SNX16: variants seen among roughly 807,000 people sequenced by gnomAD.
SNX16 encodes sorting nexin-16.
Under a neutral mutation model 36.7 loss-of-function variants are expected in SNX16, and 35 were observed. The observed-to-expected ratio is 0.95, with a 90% confidence interval of 0.73 to 1.27. The LOEUF (loss-of-function observed/expected upper bound fraction) is 1.27. SNX16 is among the 50% of genes most tolerant of loss of function. The probability of loss-of-function intolerance (pLI) is 0.00; values close to 1 mark genes in which losing one functional copy is unlikely to be tolerated. For synonymous variants in SNX16, 134 were observed against 132.0 expected, an observed-to-expected ratio of 1.02 and a Z score of -0.10; for missense variants, 367 against 393.6, an observed-to-expected ratio of 0.93 and a Z score of 0.57.
At chr8:81,827,543 A>G (rs1447818123) in intron 3 of SNX16, among the ~76,000 whole-genome samples, 1 of 152,246 alleles carries the variant, frequency 6.6e-6, no homozygotes, top group Non-Finnish European at 1.5e-5. Flanking sequence ...GCTCAGGAAC[A>G]GTAAATAAAA....
At chr8:81,812,603 T>G (rs974743328) in intron 5 of SNX16, among the ~76,000 whole-genome samples, 2 of 152,046 alleles carry the variant, frequency 1.3e-5, no homozygotes, top group African/African-American at 4.8e-5. Context: ...ACTGTGAGAA[T>G]TTGTTGCTAG....
At position 81,801,261 on chromosome 8, in the gene SNX16, T is replaced by G; in HGVS notation, c.*236A>C. ...AGAATGTGGGCCTTGATAACAGAAT[T>G]CCAACAAGATTTTTTTTAGTGTATT... On this transcript the variant is annotated 3_prime_UTR_variant, in exon 8 of 8. Transcript: ENST00000345957. 1 of 337,110 alleles carries G rather than the reference T, an allele frequency of 3.0e-6. No homozygotes were observed. Among genetic ancestry groups the G allele is most frequent in the East Asian group, 5.0e-5 (1 of 20,036 alleles). The allele number at this position is 337,110 out of a possible 1,614,324, so 20.9% of individuals were successfully genotyped here.
In SNX16 at chr8:81,823,909, G is replaced by A. The variant is rs746335921; in HGVS notation, c.494C>T (p.Ala165Val). ...LKEMFPGFRL[A>V]LPPKRWFKDN... ...TTTAAACCAGCGTTTTGGAGGAAGT[G>A]CTAGTCGAAAACCTGGAAACATCTC... The change falls in exon 4 of 8, where the codon GCA (alanine) becomes GTA (valine). Residue 165 changes from alanine (A) to valine (V), a missense_variant. By Grantham distance (64) the Ala-to-Val change is moderately conservative. Coordinates refer to ENST00000345957, the MANE Select transcript of SNX16 (RefSeq NM_152836.3). 1.9e-6 allele frequency: 3 copies of A among 1,611,046 alleles called. No homozygotes were observed. In the East Asian group the frequency reaches 6.7e-5, roughly 36 times the overall value.
In SNX16 at chr8:81,829,493, T is replaced by TA; in HGVS notation, c.398_399insT (p.Lys133AsnfsTer15). 7.0e-7 allele frequency: 1 copy of TA among 1,418,684 alleles called. No homozygotes were observed. The highest frequency in any genetic ancestry group is 9.3e-7 in the Non-Finnish European group (1 of 1,079,746). The allele number at this position is 1,418,684 out of a possible 1,614,324, so 87.9% of individuals were successfully genotyped here. ...AAACTACCCAGCTTTCTTCTGGGGT[T>TA]TTCTTTACTAGTATTTTATATACCT... On this transcript the variant is annotated frameshift_variant, in exon 3 of 8. Coordinates refer to ENST00000345957, the MANE Select transcript of SNX16 (RefSeq NM_152836.3). LOFTEE classifies it high-confidence loss of function.
At chr8:81,824,014 C>A in intron 3 of SNX16, 74 bp from the exon 4 acceptor site, 1 of 1,303,116 alleles carries the variant, frequency 7.7e-7, no homozygotes, top group Non-Finnish European at 1.1e-6. Flanking sequence ...ATCCTGTTGA[C>A]TACATGAAAT....
At chr8:81,806,310 A>G (rs1809942012) in intron 5 of SNX16, among the ~76,000 whole-genome samples, 1 of 152,210 alleles carries the variant, frequency 6.6e-6, no homozygotes, top group South Asian at 2.1e-4. Flanking sequence ...AAATCCAGTA[A>G]TTAAAAAAAT....
At chr8:81,802,965 G>T in intron 6 of SNX16, 127 bp downstream of exon 6, 3 of 807,698 alleles carry the variant, frequency 3.7e-6, no homozygotes, top group Non-Finnish European at 3.5e-6. Flanking sequence ...TCCCAATGAA[G>T]TATGCCAAAA....
chr8:81,832,400 C>A (rs988415581), intron 2 of SNX16, among the ~76,000 whole-genome samples: 2 of 152,016 alleles, frequency 1.3e-5, no homozygotes, highest in African/African-American at 4.8e-5. Context: ...ACAATAGACA[C>A]TGGGGACTCC....
intron 5 of SNX16, among the ~76,000 whole-genome samples, chr8:81,806,123 A>T (rs2130596754): frequency 6.6e-6 from 1 of 152,184 alleles, no homozygotes; most frequent in East Asian, 1.9e-4. Context: ...GTGAATTCTA[A>T]CAAACATTTA....
chr8:81,818,259 G>A (rs1810578284), intron 4 of SNX16, among the ~76,000 whole-genome samples: 1 of 151,744 alleles, frequency 6.6e-6, no homozygotes. Context: ...GAACTACTGT[G>A]TAAATAACTG....
At chr8:81,824,335 A>ACTT (rs1810918521) in intron 3 of SNX16, among the ~76,000 whole-genome samples, 1 of 152,172 alleles carries the variant, frequency 6.6e-6, no homozygotes, top group African/African-American at 2.4e-5. Flanking sequence ...TTCCCTTTAA[A>ACTT]AAAATTAGGT....
intron 5 of SNX16, among the ~76,000 whole-genome samples, chr8:81,806,482 C>T (rs1809952579): frequency 6.6e-6 from 1 of 152,012 alleles, no homozygotes; most frequent in Admixed American, 6.6e-5. Flanking sequence ...TCTTAGCAAA[C>T]TAGAAATAGA....
intron 4 of SNX16, among the ~76,000 whole-genome samples, chr8:81,820,947 A>C (rs988825739): frequency 1.3e-5 from 2 of 151,442 alleles, no homozygotes; most frequent in African/African-American, 4.9e-5. Flanking sequence ...TGTTATTAAG[A>C]AGTCTCTTAC....
At chr8:81,805,318 A>C (rs1277360001) in intron 5 of SNX16, among the ~76,000 whole-genome samples, 6 of 151,938 alleles carry the variant, frequency 3.9e-5, no homozygotes, top group Non-Finnish European at 1.5e-5. Context: ...TATGAACGAG[A>C]ATGAAAATAT....
At chr8:81,838,847 G>T (rs1811610804) in intron 2 of SNX16, among the ~76,000 whole-genome samples, 1 of 151,840 alleles carries the variant, frequency 6.6e-6, no homozygotes, top group South Asian at 2.1e-4. Context: ...TGAGAGGATA[G>T]TCATAATACA....
At chr8:81,833,263 G>T (rs1170376231) in intron 2 of SNX16, among the ~76,000 whole-genome samples, 1 of 151,170 alleles carries the variant, frequency 6.6e-6, no homozygotes, top group East Asian at 1.9e-4. Context: ...GGACAGTGCT[G>T]CCCTAAAGAC....
At chr8:81,841,413 GA>G (rs1811765292) in intron 1 of SNX16, among the ~76,000 whole-genome samples, 1 of 150,896 alleles carries the variant, frequency 6.6e-6, no homozygotes, top group African/African-American at 2.4e-5. Context: ...AAAGATTCAT[GA>G]AACTTTAGCT....
At position 81,823,789 on chromosome 8, in the gene SNX16, T is replaced by C. The variant is rs776969340; in HGVS notation, c.611+3A>G. ...TAATCTCTTATTTCAATTCGTTACATACCAGTTAGCAATGTCCTTGTGAGC... is the reference window on the plus strand; with the variant it reads ...TAATCTCTTATTTCAATTCGTTACACACCAGTTAGCAATGTCCTTGTGAGC... On this transcript the variant is annotated splice_donor_region_variant and intron_variant, in intron 4 of 7. Coordinates refer to ENST00000345957, the MANE Select transcript of SNX16 (RefSeq NM_152836.3). 2.5e-6 allele frequency: 4 copies of C among 1,594,290 alleles called. No homozygotes were observed. Among genetic ancestry groups the C allele is most frequent in the African/African-American group, 2.7e-5 (2 of 73,664 alleles).
chr8:81,828,327 T>A (rs1041995766), intron 3 of SNX16, among the ~76,000 whole-genome samples: 1 of 152,200 alleles, frequency 6.6e-6, no homozygotes, highest in Non-Finnish European at 1.5e-5. Context: ...CATTTAAATA[T>A]CTGTCAGCTT....
Sources: allele counts gnomAD v4.1 joint callset (sites outside exome capture counted in the v4.1 genomes callset), GRCh38; gene constraint gnomAD v4.1.1; transcripts MANE v1.5; gene names NCBI Gene and HGNC (gene_info 2026-07-23, HGNC 2026-07-21).